The following SRSF11 variants were observed in gnomAD, a reference collection of about 807,000 sequenced individuals.
SRSF11 encodes serine/arginine-rich splicing factor 11.
In SRSF11, 9 loss-of-function variants were observed where a neutral mutation model predicts 56.0. That is an observed-to-expected ratio of 0.16 (90% CI 0.10 to 0.28). The LOEUF is 0.28. Ranked by LOEUF, SRSF11 falls within the 10% of genes least tolerant of loss-of-function variation. SRSF11 has a pLI of 1.00. For missense variants in SRSF11, 421 were observed against 600.7 expected (o/e 0.70, Z 3.13); for synonymous variants, 222 against 215.3 (o/e 1.03, Z -0.27).
At chr1:70,223,602 C>G (rs188185391) in intron 1 of SRSF11, among the ~76,000 whole-genome samples, 2 of 152,168 alleles carry the variant, frequency 1.3e-5, no homozygotes, top group Non-Finnish European at 2.9e-5. Context: ...TTTACTCTGA[C>G]TCCTTCATTT....
chr1:70,212,337 A>G (rs1038784385), intron 1 of SRSF11, among the ~76,000 whole-genome samples: 1 of 151,928 alleles, frequency 6.6e-6, no homozygotes, highest in South Asian at 2.1e-4. Flanking sequence ...GCTCACTGCA[A>G]CCTCCACCTC....
At position 70,214,894 on chromosome 1, in the gene SRSF11, G is replaced by GTT. The variant is rs34229824; in HGVS notation, c.-25-6697_-25-6696dup. On this transcript the variant is annotated intron_variant, in intron 1 of 12. Coordinates refer to the SRSF11 transcript ENST00000370950. ...GAAATCAAAATACATCTGCAGATAA[G>GTT]TTTTTTTTTTTTTTTTTTTTTTGAG... Among the ~76,000 whole-genome samples, 955 of 125,868 alleles carry GTT rather than the reference G, an allele frequency of 7.6e-3. 11 individuals are homozygous for GTT. Among genetic ancestry groups the GTT allele is most frequent in the Non-Finnish European group, 0.011 (686 of 61,000 alleles). 82.6% of individuals were successfully genotyped at this position (125,868 alleles called of 152,430 possible). A position where few individuals can be genotyped will look rare whatever the true frequency, so the allele number is the denominator to read the frequency against.
chr1:70,247,856 A>G (rs1040776019), intron 9 of SRSF11, among the ~76,000 whole-genome samples: 5 of 152,174 alleles, frequency 3.3e-5, no homozygotes, highest in Non-Finnish European at 7.4e-5. Flanking sequence ...AATGGCAAAG[A>G]ATCTGTAGCC....
At chr1:70,236,792 ATTTTTTTTTTTTTTT>A (rs35602423) in intron 5 of SRSF11, among the ~76,000 whole-genome samples, 4 of 83,738 alleles carry the variant, frequency 4.8e-5, no homozygotes, top group East Asian at 3.1e-4. Flanking sequence ...TATGTCATAA[ATTTTTTTTTTTTTTT>A]TTTTTTTTTT....
At chr1:70,250,313 T>C in intron 10 of SRSF11, 52 bp from the exon 11 acceptor site, 1 of 1,595,722 alleles carries the variant, frequency 6.3e-7, no homozygotes, top group Non-Finnish European at 8.5e-7. Context: ...TGAGTCAGGC[T>C]CATCATCTAA....
At chr1:70,244,566 A>G (rs765706907) in intron 7 of SRSF11, 118 bp from the exon 8 acceptor site, 1 of 1,087,098 alleles carries the variant, frequency 9.2e-7, no homozygotes, top group Non-Finnish European at 1.3e-6. Context: ...ATGGAAGGGA[A>G]TTATCCCCCA....
intron 2 of SRSF11, 65 bp from the exon 3 acceptor site, chr1:70,232,203 G>A: frequency 1.9e-6 from 3 of 1,612,212 alleles, no homozygotes; most frequent in Non-Finnish European, 1.7e-6. Flanking sequence ...ACATTTTCTG[G>A]GTGTTTTTGT....
At chr1:70,213,480 T>A (rs550861092) in intron 1 of SRSF11, among the ~76,000 whole-genome samples, 3 of 152,336 alleles carry the variant, frequency 2.0e-5, no homozygotes, top group Non-Finnish European at 4.4e-5. Context: ...ATATCTTTCA[T>A]GTGAGTTTAA....
At chr1:70,224,885 A>G (rs188589147) in intron 1 of SRSF11, among the ~76,000 whole-genome samples, 54 of 152,300 alleles carry the variant, frequency 3.5e-4, no homozygotes, top group Non-Finnish European at 6.5e-4. Context: ...TTGAATATCT[A>G]TTGTGTGTGA....
intron 1 of SRSF11, among the ~76,000 whole-genome samples, chr1:70,210,723 G>C (rs1202039868): frequency 3.9e-5 from 6 of 151,976 alleles, no homozygotes; most frequent in Admixed American, 3.9e-4. Context: ...GGGAATTACA[G>C]GGATGAGCCA....
chr1:70,226,812 T>G (rs1571706878), intron 1 of SRSF11, among the ~76,000 whole-genome samples: 2 of 152,188 alleles, frequency 1.3e-5, no homozygotes, highest in Admixed American at 1.3e-4. Flanking sequence ...GGAGGCTGGG[T>G]AACATAGTAA....
At position 70,234,734 on chromosome 1, in the gene SRSF11, T is replaced by C; in HGVS notation, c.486T>C (p.Thr162=). The C allele has an allele frequency of 6.2e-7, 1 of 1,610,226 alleles. No homozygotes were observed. Among genetic ancestry groups the C allele is most frequent in the Non-Finnish European group, 8.5e-7 (1 of 1,178,116 alleles). ...AVPLAALGAP[T]LDPALAALGL... ...CACTGGCTGCTTTGGGGGCTCCTAC[T>C]CTTGATCCTGCCCTTGCTGCACTTG... Residue 162 remains threonine (T), a synonymous_variant, in exon 4 of 12, where the codon ACT becomes ACC. Coordinates refer to ENST00000370949, the MANE Select transcript of SRSF11 (RefSeq NM_001350605.2).
At chr1:70,213,420 AT>A (rs2100498041) in intron 1 of SRSF11, among the ~76,000 whole-genome samples, 1 of 152,248 alleles carries the variant, frequency 6.6e-6, no homozygotes, top group East Asian at 1.9e-4. Flanking sequence ...GTGTTAAAAT[AT>A]GAAATCTAAA....
intron 2 of SRSF11, chr1:70,229,081 C>G: frequency 2.7e-6 from 3 of 1,121,050 alleles, no homozygotes; most frequent in Non-Finnish European, 3.3e-6. Context: ...TTTCCTGTAG[C>G]TTAGGTGCCA....
At chr1:70,233,500 AAAGTGCTGGGATTACAGGCGTG>A (rs1673287941) in intron 3 of SRSF11, among the ~76,000 whole-genome samples, 1 of 152,200 alleles carries the variant, frequency 6.6e-6, no homozygotes, top group Non-Finnish European at 1.5e-5. Context: ...TTGGCCTCCC[AAAGTGCTGGGATTACAGGCGTG>A]AGCCACCGCG....
intron 4 of SRSF11, among the ~76,000 whole-genome samples, chr1:70,235,206 A>G (rs1053354618): frequency 7.2e-5 from 11 of 152,136 alleles, no homozygotes; most frequent in Non-Finnish European, 4.4e-5. Context: ...TCTTTATGTC[A>G]AAAAGTCTTA....
At chr1:70,230,814 T>C (rs981492897) in intron 2 of SRSF11, 1 of 1,175,642 alleles carries the variant, frequency 8.5e-7, no homozygotes, top group African/African-American at 1.6e-5. Flanking sequence ...ATGTTGATAC[T>C]GAATATATCC....
chr1:70,236,400 A>T (rs973933564), intron 5 of SRSF11, among the ~76,000 whole-genome samples: 2 of 141,824 alleles, frequency 1.4e-5, no homozygotes, highest in African/African-American at 5.3e-5. Context: ...GCGCAAACTC[A>T]GCTCACTGCA....
At chr1:70,219,610 C>T (rs1670327629), upstream of SRSF11, among the ~76,000 whole-genome samples, 1 of 152,186 alleles carries the variant, frequency 6.6e-6, no homozygotes, top group African/African-American at 2.4e-5. Flanking sequence ...ATTTGAGCAT[C>T]CTCTGGTTCT....
Sources: allele counts gnomAD v4.1 joint callset (sites outside exome capture counted in the v4.1 genomes callset), GRCh38; gene constraint gnomAD v4.1.1; transcripts MANE v1.5; gene names NCBI Gene and HGNC (gene_info 2026-07-23, HGNC 2026-07-21).